Variants in SRGAP1 observed in about 807,000 individuals in gnomAD.
SRGAP1 encodes the protein SLIT-ROBO Rho GTPase-activating protein 1.
SRGAP1 carries 43 observed loss-of-function variants against 121.9 expected under a neutral mutation model. That is an observed-to-expected ratio of 0.35 (90% CI 0.28 to 0.46). The LOEUF is 0.46. Ranked by LOEUF, SRGAP1 falls within the 20% of genes least tolerant of loss-of-function variation. The probability of loss-of-function intolerance (pLI) is 1.00; values close to 1 mark genes in which losing one functional copy is unlikely to be tolerated. For missense variants in SRGAP1, 1,102 were observed against 1,350.9 expected (o/e 0.82, Z 2.89); for synonymous variants, 447 against 485.4 (o/e 0.92, Z 1.04).
chr12:63,914,774 A>G (rs181937321), intron 1 of SRGAP1, among the ~76,000 whole-genome samples: 5 of 151,822 alleles, frequency 3.3e-5, no homozygotes, highest in Admixed American at 6.6e-5. Flanking sequence ...TTCATTTACT[A>G]TATTTTTTTC....
rs77646518 is a variant in SRGAP1 at position 63,932,704 on chromosome 12, A to G, written c.68-51243A>G. Among the ~76,000 whole-genome samples, 609 of 152,342 alleles carry G rather than the reference A, an allele frequency of 4.0e-3. 4 individuals carry two copies. The highest frequency in any genetic ancestry group is 0.014 in the African/African-American group (579 of 41,576). On this transcript the variant is annotated intron_variant, in intron 1 of 21. Transcript: ENST00000355086. The stretch of plus-strand genomic sequence containing the variant: ...AGTTTACTAGTCTGCAGAAGACCCA[A>G]GGAAATTGATTTTACCATTGGCATT...
At position 63,978,443 on chromosome 12, in the gene SRGAP1, A is replaced by G. The variant is rs7968042; in HGVS notation, c.68-5504A>G. ...TAGATTAGTCTATTCTGGACCTTTCATAGGAATGAAATTATAGACTGTGGT... is the reference window on the plus strand; with the variant it reads ...TAGATTAGTCTATTCTGGACCTTTCGTAGGAATGAAATTATAGACTGTGGT... On this transcript the variant is annotated intron_variant, in intron 1 of 21. Transcript: ENST00000355086. Among the ~76,000 whole-genome samples the G allele has an allele frequency of 7.2e-3, 1,094 of 152,260 alleles. 10 individuals carry two copies. Among genetic ancestry groups the G allele is most frequent in the African/African-American group, 0.025 (1,036 of 41,524 alleles).
intron 1 of SRGAP1, among the ~76,000 whole-genome samples, chr12:63,960,747 A>T (rs1022441995): frequency 1.3e-5 from 2 of 152,156 alleles, no homozygotes; most frequent in African/African-American, 4.8e-5. Flanking sequence ...TCCTTATAAC[A>T]GGGATGCAAG....
Position 64,115,900 on chromosome 12 carries a change from T to C in SRGAP1, c.2224+7T>C. The C allele has an allele frequency of 6.2e-7, 1 of 1,607,820 alleles. No homozygotes were observed. Among genetic ancestry groups the C allele is most frequent in the Non-Finnish European group, 8.5e-7 (1 of 1,176,206 alleles). On this transcript the variant is annotated splice_region_variant and intron_variant, in intron 18 of 21. Coordinates refer to ENST00000355086, the MANE Select transcript of SRGAP1 (RefSeq NM_020762.4). The stretch of plus-strand genomic sequence containing the variant: ...CCCCACACAAGTGAAGATGGTATGC[T>C]CTCCCCTTATGCTATTATAAAGCCA...
intron 1 of SRGAP1, among the ~76,000 whole-genome samples, chr12:63,960,453 T>G (rs1592983979): frequency 6.6e-6 from 1 of 152,246 alleles, no homozygotes; most frequent in East Asian, 1.9e-4. Flanking sequence ...CTGACCTTGC[T>G]GCAGTCATTC....
At chr12:63,890,193 C>T (rs1900531286) in intron 1 of SRGAP1, among the ~76,000 whole-genome samples, 1 of 152,140 alleles carries the variant, frequency 6.6e-6, no homozygotes, top group Non-Finnish European at 1.5e-5. Context: ...CCACTCAACC[C>T]CAAGAAGTTA....
chr12:63,913,013 G>A (rs1015581653), intron 1 of SRGAP1, among the ~76,000 whole-genome samples: 2 of 151,958 alleles, frequency 1.3e-5, no homozygotes, highest in African/African-American at 4.8e-5. Context: ...CAAATAGGGT[G>A]CTATTCCACA....
chr12:64,099,773 G>GT (rs1466090219), intron 15 of SRGAP1, among the ~76,000 whole-genome samples: 2 of 152,180 alleles, frequency 1.3e-5, no homozygotes, highest in Non-Finnish European at 2.9e-5. Flanking sequence ...ATGCTTAGTG[G>GT]TTTTCTAGGT....
intron 3 of SRGAP1, among the ~76,000 whole-genome samples, chr12:64,007,992 AGATAAG>A (rs954502493): frequency 6.6e-6 from 1 of 152,210 alleles, no homozygotes; most frequent in African/African-American, 2.4e-5. Context: ...CACAAGATAA[AGATAAG>A]ATGCTGAGCT....
At chr12:64,104,978 C>T (rs2036319934) in intron 15 of SRGAP1, among the ~76,000 whole-genome samples, 2 of 151,900 alleles carry the variant, frequency 1.3e-5, no homozygotes, top group Admixed American at 1.3e-4. Flanking sequence ...TAAGTACATT[C>T]ACAATTATCA....
rs1436624036 is a variant in SRGAP1, at chr12:64,140,091, A to G, written c.2881-2204A>G. On this transcript the variant is annotated intron_variant, in intron 21 of 21. Coordinates refer to ENST00000355086, the MANE Select transcript of SRGAP1 (RefSeq NM_020762.4). ...ATTTCTGAGGGCTCTGTTCTGTTCC[A>G]TTGATCTATATCTCTGTTTTGGTAC... Among the ~76,000 whole-genome samples, 22 of 147,992 alleles carry G rather than the reference A, an allele frequency of 1.5e-4. No homozygotes were observed. The East Asian group carries it at 3.9e-3, about 26-fold the overall frequency.
At chr12:64,036,459 T>C (rs1420566208) in intron 4 of SRGAP1, among the ~76,000 whole-genome samples, 1 of 152,154 alleles carries the variant, frequency 6.6e-6, no homozygotes, top group Non-Finnish European at 1.5e-5. Context: ...TTATCTTAGG[T>C]AGTTGATAAG....
chr12:64,068,013 TAG>T (rs1367285947), intron 8 of SRGAP1, among the ~76,000 whole-genome samples: 1 of 152,024 alleles, frequency 6.6e-6, no homozygotes, highest in Non-Finnish European at 1.5e-5. Flanking sequence ...CACCAAATCT[TAG>T]AATACTTTAA....
At chr12:63,895,799 A>G (rs1900735599) in intron 1 of SRGAP1, among the ~76,000 whole-genome samples, 1 of 152,244 alleles carries the variant, frequency 6.6e-6, no homozygotes, top group African/African-American at 2.4e-5. Flanking sequence ...CAACTAAAAA[A>G]TATTAATACT....
intron 1 of SRGAP1, among the ~76,000 whole-genome samples, chr12:63,912,302 C>T (rs977863994): frequency 3.9e-5 from 6 of 152,178 alleles, no homozygotes; most frequent in Non-Finnish European, 1.5e-5. Flanking sequence ...TTCAATGTCA[C>T]GGAGCATGTA....
chr12:64,052,282 G>A (rs1045907882), intron 6 of SRGAP1, among the ~76,000 whole-genome samples: 6 of 151,938 alleles, frequency 3.9e-5, no homozygotes, highest in Non-Finnish European at 5.9e-5. Flanking sequence ...ACCTGGGCAC[G>A]GTGGCTCACA....
chr12:63,858,166 C>T (rs752034436), intron 1 of SRGAP1, among the ~76,000 whole-genome samples: 15 of 140,260 alleles, frequency 1.1e-4, no homozygotes, highest in South Asian at 2.4e-4. Context: ...AGGCTATCTT[C>T]GTTGTATTTT....
At chr12:63,946,230 T>C (rs2032041615) in intron 1 of SRGAP1, among the ~76,000 whole-genome samples, 1 of 152,110 alleles carries the variant, frequency 6.6e-6, no homozygotes, top group South Asian at 2.1e-4. Flanking sequence ...GTTACCATTG[T>C]CACCATCCTA....
chr12:64,141,416 GTAAAAATAC>G (rs2036961525), intron 21 of SRGAP1, among the ~76,000 whole-genome samples: 1 of 151,368 alleles, frequency 6.6e-6, no homozygotes, highest in Non-Finnish European at 1.5e-5. Context: ...CCCGTCTCTA[GTAAAAATAC>G]AAAAATTAGC....
Sources: allele counts gnomAD v4.1 joint callset (sites outside exome capture counted in the v4.1 genomes callset), GRCh38; gene constraint gnomAD v4.1.1; transcripts MANE v1.5; gene names NCBI Gene and HGNC (gene_info 2026-07-23, HGNC 2026-07-21).